PLCB3: variants seen among roughly 807,000 people sequenced by gnomAD.
PLCB3 encodes the protein 1-phosphatidylinositol 4,5-bisphosphate phosphodiesterase beta-3.
PLCB3 carries 54 observed loss-of-function variants against 152.1 expected under a neutral mutation model. The observed-to-expected ratio is 0.36, with a 90% CI of 0.29 to 0.45. PLCB3 has a LOEUF of 0.45. PLCB3 is among the 20% of genes least tolerant of loss of function. PLCB3 has a pLI of 1.00. For synonymous variants in PLCB3, 717 were observed against 698.7 expected (o/e 1.03, Z -0.41); for missense variants, 1,248 against 1,687.5 (o/e 0.74, Z 4.56).
At position 64,267,230 on chromosome 11, in the gene PLCB3, C is replaced by G. The variant is rs1277352541; in HGVS notation, c.3460C>G (p.Gln1154Glu). The change falls in exon 30 of 31, where the codon CAG (glutamine) becomes GAG (glutamate). Residue 1154 changes from glutamine (Q) to glutamate (E), a missense_variant. Gln to Glu is a conservative substitution (Grantham distance 29). This residue lies in a region of PLCB3 where 477 missense variants were observed against 489.6 expected (regional missense o/e 0.97). Coordinates refer to ENST00000279230, the MANE Select transcript of PLCB3 (RefSeq NM_000932.5). The surrounding 1 kb of genome is among the most constrained non-coding windows in gnomAD (Gnocchi z 5.2). Reference protein sequence around the residue: ...KQRHDRLVAGQQQVLQQLAEE... With the variant: ...KQRHDRLVAGEQQVLQQLAEE... The stretch of plus-strand genomic sequence containing the variant: ...GCGGCATGACCGTCTTGTGGCTGGG[C>G]AGCAGCAGGTCCTGCAACAGCTGGC... 4 of 1,550,224 alleles carry G rather than the reference C, an allele frequency of 2.6e-6. No homozygotes were observed. The highest frequency in any genetic ancestry group is 1.7e-6 in the Non-Finnish European group (2 of 1,146,966).
In PLCB3 at chr11:64,262,433, G is replaced by A. The variant is rs772576811; in HGVS notation, c.2065G>A (p.Val689Ile). ...LDVAMQLNAG[V>I]FEYNGRSGYL... Reference sequence around the variant, plus strand: ...TGTGGCGATGCAGCTCAACGCGGGCGTTTTTGAGTACAACGGGCGCAGCGG... The same window carrying A: ...TGTGGCGATGCAGCTCAACGCGGGCATTTTTGAGTACAACGGGCGCAGCGG... Residue 689 changes from valine to isoleucine, a missense_variant, in exon 18 of 31, where the codon GTT becomes ATT. Val to Ile is a conservative substitution (Grantham distance 29). Transcript: ENST00000279230. The A allele has an allele frequency of 9.9e-6, 16 of 1,613,548 alleles. No homozygotes were observed. Among genetic ancestry groups the A allele is most frequent in the Middle Eastern group, 1.6e-4 (1 of 6,080 alleles).
At position 64,255,330 on chromosome 11, in the gene PLCB3, C is replaced by T. The variant is rs2031462470; in HGVS notation, c.467+17C>T. The T allele has an allele frequency of 6.2e-7, 1 of 1,613,748 alleles. No individual in the cohort carries two copies. On this transcript the variant is annotated intron_variant, in intron 5 of 30. Coordinates refer to ENST00000279230, the MANE Select transcript of PLCB3 (RefSeq NM_000932.5). The surrounding 1 kb of genome is among the most constrained non-coding windows in gnomAD (Gnocchi z 6.8). ...GCGCAAAGCGTGAGCCCCAGGCCAC[C>T]CGAGGGGGAGCCGGGGGGTTCACGT...
rs369215386 is a variant in PLCB3, at chr11:64,252,699, G to C, written c.99+951G>C. On this transcript the variant is annotated intron_variant, in intron 1 of 30. Coordinates refer to ENST00000279230, the MANE Select transcript of PLCB3 (RefSeq NM_000932.5). Reference sequence around the variant, plus strand: ...CGAGGTGGGGTGCCTGGGGGCCCCAGGGGCCGGGGGAGACCCCTCCCCCCA... The same window carrying C: ...CGAGGTGGGGTGCCTGGGGGCCCCACGGGCCGGGGGAGACCCCTCCCCCCA... Among the ~76,000 whole-genome samples the C allele has an allele frequency of 2.0e-3, 310 of 152,262 alleles. 1 individual carries two copies. The highest frequency in any genetic ancestry group is 7.2e-3 in the East Asian group (37 of 5,170).
intron 14 of PLCB3, among the ~76,000 whole-genome samples, chr11:64,261,060 T>C (rs1048340325): frequency 1.5e-4 from 23 of 152,112 alleles, no homozygotes. Flanking sequence ...TCCCAGCACT[T>C]TGGGAGGCTG....
At chr11:64,256,797 T>A in intron 10 of PLCB3, 33 bp downstream of exon 10, 1 of 1,607,290 alleles carries the variant, frequency 6.2e-7, no homozygotes, top group South Asian at 1.1e-5. Context: ...ACCCGTGACC[T>A]CTGCCCTGTG....
chr11:64,263,380 T>C, intron 19 of PLCB3, 118 bp from the exon 20 acceptor site: 1 of 643,050 alleles, frequency 1.6e-6, no homozygotes, highest in Non-Finnish European at 2.7e-6. Context: ...TGATGGTCAG[T>C]AGGTCAGCTC....
chr11:64,261,555 AC>A, intron 15 of PLCB3, 25 bp from the exon 16 acceptor site: 1 of 1,613,390 alleles, frequency 6.2e-7, no homozygotes. Context: ...GCCAGGTCTG[AC>A]GCCCTTTCTT....
rs753723076 is a variant in PLCB3 at position 64,266,568 on chromosome 11, G to C, written c.3414+16G>C. On this transcript the variant is annotated intron_variant, in intron 29 of 30. Transcript: ENST00000279230. This position sits in a 1 kb window ranked among gnomAD's most constrained non-coding sequence, Gnocchi z 4.9. ...CATCCGTCGGGTGAGTCAGGCTCCC[G>C]GGCCACCCTACCCCACCTCCCTTCC... 1.9e-6 allele frequency: 3 copies of C among 1,612,856 alleles called. No homozygotes were observed. Among genetic ancestry groups the C allele is most frequent in the Non-Finnish European group, 2.5e-6 (3 of 1,179,170 alleles).
chr11:64,267,518 G>C lies in PLCB3; in HGVS notation c.3667G>C (p.Ala1223Pro). ...CGGGAGCAGCGGGCACCTGTCGGGC[G>C]CTGACTCGGAGAGCCAGGAGGAGAA... ...APGSSGHLSG[A>P]DSESQEENTQ... The change falls in exon 31 of 31, where the codon GCT becomes CCT. Residue 1223 changes from alanine (A) to proline (P), a missense_variant. This residue lies in a region of PLCB3 where 477 missense variants were observed against 489.6 expected (regional missense o/e 0.97). Transcript: ENST00000279230. The surrounding 1 kb of genome is among the most constrained non-coding windows in gnomAD (Gnocchi z 5.2). The C allele has an allele frequency of 6.4e-7, 1 of 1,568,672 alleles. No homozygotes were observed. The highest frequency in any genetic ancestry group is 1.7e-4 in the Middle Eastern group (1 of 5,844).
Position 64,265,461 on chromosome 11 carries a change from G to T in PLCB3, c.2994G>T (p.Gln998His). The stretch of plus-strand genomic sequence containing the variant: ...GCCGCCTGCTGGATGGCCTGGCTCA[G>T]GCACAGGCTGAGGGCAGGTGCCGGC... ...LTRRLLDGLA[Q>H]AQAEGRCRLR... The change falls in exon 25 of 31, where the codon CAG becomes CAT. Residue 998 changes from glutamine to histidine, a missense_variant. Physicochemically the swap from Gln to His is conservative, Grantham distance 24. Coordinates refer to ENST00000279230, the MANE Select transcript of PLCB3 (RefSeq NM_000932.5). The T allele has an allele frequency of 6.2e-7, 1 of 1,608,690 alleles. No individual in the cohort carries two copies. The highest frequency in any genetic ancestry group is 2.2e-5 in the East Asian group (1 of 44,862).
At position 64,267,169 on chromosome 11, in the gene PLCB3, T is replaced by G; in HGVS notation, c.3415-16T>G. ...CCCTCAGGGCCCCTCAGCTGAGCCC[T>G]TGCCCACCCCTGTAGCTGGAGGAGG... On this transcript the variant is annotated splice_polypyrimidine_tract_variant and intron_variant, in intron 29 of 30. Transcript: ENST00000279230. This position sits in a 1 kb window ranked among gnomAD's most constrained non-coding sequence, Gnocchi z 5.2. 6.5e-7 allele frequency: 1 copy of G among 1,549,044 alleles called. No individual in the cohort carries two copies. The highest frequency in any genetic ancestry group is 1.4e-5 in the African/African-American group (1 of 73,082).
intron 22 of PLCB3, 67 bp downstream of exon 22, chr11:64,264,179 G>C (rs1339584970): frequency 1.8e-5 from 19 of 1,056,038 alleles, no homozygotes; most frequent in Non-Finnish European, 2.3e-5. Context: ...TGACTGCTGT[G>C]GCCACATGAG....
In PLCB3 at chr11:64,255,319, C is replaced by T. The variant is rs1429502110; in HGVS notation, c.467+6C>T. 4 of 1,613,630 alleles carry T rather than the reference C, an allele frequency of 2.5e-6. No homozygotes were observed. Among genetic ancestry groups the T allele is most frequent in the East Asian group, 2.2e-5 (1 of 44,882 alleles). On this transcript the variant is annotated splice_donor_region_variant and intron_variant, in intron 5 of 30. Transcript: ENST00000279230. This position sits in a 1 kb window ranked among gnomAD's most constrained non-coding sequence, Gnocchi z 6.8. The stretch of plus-strand genomic sequence containing the variant: ...AACACCTTCCTGCGCAAAGCGTGAG[C>T]CCCAGGCCACCCGAGGGGGAGCCGG...
At position 64,254,889 on chromosome 11, in the gene PLCB3, C is replaced by T. The variant is rs1163645266; in HGVS notation, c.247-9C>T. ...GCCCCCTCTTCACCCTTCGCTGTCACCTACTCAGGACCCCAAGATCCGGGA... is the reference window on the plus strand; with the variant it reads ...GCCCCCTCTTCACCCTTCGCTGTCATCTACTCAGGACCCCAAGATCCGGGA... On this transcript the variant is annotated splice_polypyrimidine_tract_variant and intron_variant, in intron 3 of 30. Coordinates refer to ENST00000279230, the MANE Select transcript of PLCB3 (RefSeq NM_000932.5). The T allele has an allele frequency of 1.9e-6, 3 of 1,611,024 alleles. No individual in the cohort carries two copies. In the African/African-American group the frequency reaches 4.0e-5, roughly 22 times the overall value.
Position 64,254,833 on chromosome 11 carries a change from G to A in PLCB3, c.246+17G>A, listed in dbSNP as rs1349958708. On this transcript the variant is annotated intron_variant, in intron 3 of 30. Transcript: ENST00000279230. Reference sequence around the variant, plus strand: ...CTGCCCAAGGTGAGTGATGAGCCTGGGAGTGAAGACCACAGCGAGGCTGTG... The same window carrying A: ...CTGCCCAAGGTGAGTGATGAGCCTGAGAGTGAAGACCACAGCGAGGCTGTG... 1 of 1,613,904 alleles carries A rather than the reference G, an allele frequency of 6.2e-7. No individual in the cohort carries two copies. Among genetic ancestry groups the A allele is most frequent in the Admixed American group, 1.7e-5 (1 of 60,018 alleles).
rs2032139865 is a variant in PLCB3 at position 64,266,685 on chromosome 11, C to T, written c.3414+133C>T. On this transcript the variant is annotated intron_variant, in intron 29 of 30. Coordinates refer to ENST00000279230, the MANE Select transcript of PLCB3 (RefSeq NM_000932.5). The surrounding 1 kb of genome is among the most constrained non-coding windows in gnomAD (Gnocchi z 4.9). ...GCCTTTCTCAAGTGCCCAACAGCCC[C>T]AGGGTACCCACATCATACCCAAAGC... 1.2e-6 allele frequency: 1 copy of T among 823,926 alleles called. No individual in the cohort carries two copies. The highest frequency in any genetic ancestry group is 1.5e-5 in the South Asian group (1 of 65,574). The allele number at this position is 823,926 out of a possible 1,614,324, so 51.0% of individuals were successfully genotyped here.
chr11:64,264,521 A>C (rs2032016810), intron 22 of PLCB3, among the ~76,000 whole-genome samples: 1 of 152,060 alleles, frequency 6.6e-6, no homozygotes, highest in Admixed American at 6.6e-5. Context: ...GATGACTGCA[A>C]TTAGGGCTGC....
In PLCB3 at chr11:64,261,934, C is replaced by T. The variant is rs1304718536; in HGVS notation, c.1914-18C>T. On this transcript the variant is annotated intron_variant, in intron 16 of 30. Coordinates refer to ENST00000279230, the MANE Select transcript of PLCB3 (RefSeq NM_000932.5). Reference sequence around the variant, plus strand: ...GGTGGGCCCTGGCACCTGTGTGGCCCCTGACCACCAATCTCAGATACAACA... The same window carrying T: ...GGTGGGCCCTGGCACCTGTGTGGCCTCTGACCACCAATCTCAGATACAACA... 1.9e-6 allele frequency: 3 copies of T among 1,613,766 alleles called. No homozygotes were observed. The highest frequency in any genetic ancestry group is 1.1e-5 in the South Asian group (1 of 91,084).
In PLCB3 at chr11:64,262,728, C is replaced by T. The variant is rs755470901; in HGVS notation, c.2275C>T (p.Arg759Trp). ...VDMFGLPVDT[R>W]RKYRTRTSQG... is the part of the protein sequence containing the mutation. ...CATGTTTGGCCTCCCTGTTGATACG[C>T]GGCGCAAGTACCGCACCCGGACCTC... is the stretch of plus-strand genomic sequence containing the variant. The change falls in exon 19 of 31, where the codon CGG (arginine) becomes TGG (tryptophan). Residue 759 changes from arginine (R) to tryptophan (W), a missense_variant. Around this residue, in one of 6 missense-constraint regions of PLCB3, gnomAD observed 244 missense variants for 424.4 expected, o/e 0.57. Transcript: ENST00000279230. 4.3e-6 allele frequency: 7 copies of T among 1,613,858 alleles called. No homozygotes were observed. Among genetic ancestry groups the T allele is most frequent in the East Asian group, 4.5e-5 (2 of 44,872 alleles).
Sources: gnomAD v4.1 joint callset for allele counts (sites outside exome capture counted in the v4.1 genomes callset) on GRCh38, gnomAD v4.1.1 for gene constraint, gnomAD v4.1.1 regional missense constraint, Gnocchi (gnomAD v3.1) non-coding constraint, MANE v1.5 for transcripts, NCBI Gene and HGNC (gene_info 2026-07-23, HGNC 2026-07-21) for gene names.